Variants in ZNF721 observed in about 807,000 individuals in gnomAD.
The protein encoded by ZNF721 is zinc finger protein 721.
Under a neutral mutation model 2.4 loss-of-function variants are expected in ZNF721, and 2 were observed. The ratio of observed to expected loss-of-function variants is 0.82; its 90% CI spans 0.34 to 2.58. ZNF721 has a LOEUF of 2.58. Ranked by LOEUF, ZNF721 falls within the 30% of genes most tolerant of loss-of-function variation. The pLI, the probability that ZNF721 is intolerant of heterozygous loss-of-function variation, is 0.11. For missense variants in ZNF721, 1,187 were observed against 1,085.5 expected (o/e 1.09, Z -1.31); for synonymous variants, 398 against 381.8 (o/e 1.04, Z -0.50).
rs2108712315 is a variant in ZNF721 at position 472,665 on chromosome 4, A to G, written c.-57T>C. On this transcript the variant is annotated 5_prime_UTR_variant, in exon 2 of 3. Transcript: ENST00000511833. ...TCCAGGCATTTCCACTCTTCTGGAG[A>G]GAATTCTATGGCCACATCCCTGAAT... is the stretch of plus-strand genomic sequence containing the variant. The G allele has an allele frequency of 6.2e-7, 1 of 1,613,714 alleles. No individual in the cohort carries two copies. Among genetic ancestry groups the G allele is most frequent in the East Asian group, 2.2e-5 (1 of 44,874 alleles).
chr4:467,324 G>A (rs1576964121), intron 2 of ZNF721, among the ~76,000 whole-genome samples: 1 of 152,102 alleles, frequency 6.6e-6, no homozygotes, highest in South Asian at 2.1e-4. Context: ...ATACAATAAG[G>A]ATAAATCTTA....
At chr4:448,442 CAAAAAAAA>C (rs35367332) in intron 2 of ZNF721, among the ~76,000 whole-genome samples, 3 of 123,102 alleles carry the variant, frequency 2.4e-5, no homozygotes, top group African/African-American at 9.9e-5. Context: ...TATCCCCCCC[CAAAAAAAA>C]AAAAAAATTA....
At chr4:471,518 G>A (rs929957642) in intron 2 of ZNF721, among the ~76,000 whole-genome samples, 1 of 152,090 alleles carries the variant, frequency 6.6e-6, no homozygotes, top group Non-Finnish European at 1.5e-5. Context: ...ACTCATAAAA[G>A]CAGAAAGTAG....
chr4:447,394 C>G (rs569780188), intron 2 of ZNF721, among the ~76,000 whole-genome samples: 35 of 151,230 alleles, frequency 2.3e-4, no homozygotes, highest in African/African-American at 8.5e-4. Flanking sequence ...TCCAAGATAC[C>G]AGAAAAAAGT....
At chr4:498,574 T>C (rs1716431751) in intron 1 of ZNF721, among the ~76,000 whole-genome samples, 1 of 152,172 alleles carries the variant, frequency 6.6e-6, no homozygotes, top group Non-Finnish European at 1.5e-5. Context: ...AACCCTATCA[T>C]TTGCCACAAC....
intron 2 of ZNF721, among the ~76,000 whole-genome samples, chr4:469,230 T>C (rs1715353031): frequency 1.3e-5 from 2 of 151,922 alleles, no homozygotes; most frequent in South Asian, 4.1e-4. Context: ...CCACTACACC[T>C]GCCCCAACAT....
intron 1 of ZNF721, among the ~76,000 whole-genome samples, chr4:483,541 G>A (rs1242403412): frequency 2.7e-5 from 4 of 150,416 alleles, no homozygotes; most frequent in Admixed American, 2.7e-4. Context: ...GACAGGGCAA[G>A]TCTCCATCTC....
rs78540207 is a variant in ZNF721 at position 495,404 on chromosome 4, A to C, written c.-94+3652T>G. On this transcript the variant is annotated intron_variant, in intron 1 of 2. Transcript: ENST00000511833. ...CAAAAACATGAAACCTTCTAAATAT[A>C]AACATGCACACATACACACCCAATT... Among the ~76,000 whole-genome samples, 233 of 151,324 alleles carry C rather than the reference A, an allele frequency of 1.5e-3. 6 individuals are homozygous for C. The East Asian group carries it at 0.037, about 24-fold the overall frequency.
intron 2 of ZNF721, among the ~76,000 whole-genome samples, chr4:465,987 C>T (rs1181465849): frequency 6.6e-6 from 1 of 150,418 alleles, no homozygotes; most frequent in African/African-American, 2.4e-5. Context: ...TTTTTGTTGT[C>T]GTTTTTCTTT....
chr4:485,997 A>G (rs190830454), intron 1 of ZNF721, among the ~76,000 whole-genome samples: 273 of 151,944 alleles, frequency 1.8e-3, no homozygotes, highest in South Asian at 5.6e-3. Context: ...TAAATAAATA[A>G]ATAGATAGAT....
intron 1 of ZNF721, among the ~76,000 whole-genome samples, chr4:495,455 C>CT (rs35860173): frequency 0.89 from 125,299 of 140,334 alleles, 56,796 homozygotes; most frequent in East Asian, 0.99. Context: ...TTAAAATTGA[C>CT]TTTTTTTTTT....
intron 2 of ZNF721, among the ~76,000 whole-genome samples, chr4:463,783 G>T (rs1553866413): frequency 6.6e-6 from 1 of 152,166 alleles, no homozygotes; most frequent in African/African-American, 2.4e-5. Flanking sequence ...GGGAGGGATA[G>T]CATTAGGAGA....
At chr4:498,726 CTTTTTTT>C (rs1180549953) in intron 1 of ZNF721, among the ~76,000 whole-genome samples, 2 of 132,552 alleles carry the variant, frequency 1.5e-5, no homozygotes, top group Non-Finnish European at 1.6e-5. Flanking sequence ...GTTGAATTTT[CTTTTTTT>C]TTTTTTTTTT....
intron 1 of ZNF721, among the ~76,000 whole-genome samples, chr4:490,228 G>A (rs756096202): frequency 3.9e-5 from 6 of 151,958 alleles, no homozygotes; most frequent in Non-Finnish European, 8.8e-5. Context: ...TGTAATCCCA[G>A]CACTTTGGGA....
chr4:499,117 A>C lies in ZNF721; in HGVS notation c.-155T>G, dbSNP rs1553873644. On this transcript the variant is annotated 5_prime_UTR_variant, in exon 1 of 3. Coordinates refer to ENST00000511833, the MANE Select transcript of ZNF721 (RefSeq NM_133474.4). ...AAGACGGCCCCACGGAGCCGGGAAC[A>C]CCGCCCGCTGTTCGTATGTCCGAGG... is the stretch of plus-strand genomic sequence containing the variant. The C allele has an allele frequency of 1.8e-6, 1 of 570,458 alleles. No homozygotes were observed. The highest frequency in any genetic ancestry group is 2.0e-5 in the African/African-American group (1 of 50,988). 35.3% of individuals were successfully genotyped at this position (570,458 alleles called of 1,614,324 possible).
chr4:490,859 C>T (rs1256937530), intron 1 of ZNF721, among the ~76,000 whole-genome samples: 1 of 151,194 alleles, frequency 6.6e-6, no homozygotes, highest in Admixed American at 6.6e-5. Context: ...GAGGCTGAGG[C>T]AGGAGAATCT....
chr4:472,431 A>G, intron 2 of ZNF721, 144 bp downstream of exon 2: 1 of 893,038 alleles, frequency 1.1e-6, no homozygotes, highest in Non-Finnish European at 1.6e-6. Context: ...AATGTTAAGA[A>G]TTTACTATAC....
chr4:472,709 T>G lies in ZNF721; in HGVS notation c.-93-8A>C, dbSNP rs1288333294. 3 of 1,611,306 alleles carry G rather than the reference T, an allele frequency of 1.9e-6. No homozygotes were observed. The highest frequency in any genetic ancestry group is 2.5e-6 in the Non-Finnish European group (3 of 1,179,472). ...CCTGAATGTTAAGGGTTCCTGAAAATACATATGTATCAAGTGACAGAGTTC... is the reference window on the plus strand; with the variant it reads ...CCTGAATGTTAAGGGTTCCTGAAAAGACATATGTATCAAGTGACAGAGTTC... On this transcript the variant is annotated splice_polypyrimidine_tract_variant and splice_region_variant and intron_variant, in intron 1 of 2. Transcript: ENST00000511833.
At chr4:448,475 TTAAAC>T (rs1576954019) in intron 2 of ZNF721, among the ~76,000 whole-genome samples, 2 of 150,724 alleles carry the variant, frequency 1.3e-5, no homozygotes, top group African/African-American at 4.9e-5. Context: ...CTTATAGAAA[TTAAAC>T]AATACAAACT....
Sources: gnomAD v4.1 joint callset for allele counts (sites outside exome capture counted in the v4.1 genomes callset) on GRCh38, gnomAD v4.1.1 for gene constraint, MANE v1.5 for transcripts, NCBI Gene and HGNC (gene_info 2026-07-23, HGNC 2026-07-21) for gene names.